Variants in BCAR3 observed in about 807,000 individuals in gnomAD.
BCAR3 encodes the protein breast cancer anti-estrogen resistance protein 3.
In BCAR3, 37 loss-of-function variants were observed where a neutral mutation model predicts 80.1. The ratio of observed to expected loss-of-function variants is 0.46; its 90% confidence interval spans 0.36 to 0.61. The LOEUF is 0.61. Among genes scored for constraint, BCAR3 ranks in the 20% least tolerant of loss-of-function variants. BCAR3 has a pLI of 0.00. For synonymous variants in BCAR3, 389 were observed against 418.9 expected (o/e 0.93, Z 0.87); for missense variants, 978 against 1,068.2 (o/e 0.92, Z 1.18).
chr1:93,767,281 C>T (rs1460157785), intron 2 of BCAR3, among the ~76,000 whole-genome samples: 1 of 152,040 alleles, frequency 6.6e-6, no homozygotes, highest in Admixed American at 6.6e-5. Flanking sequence ...CCAGCACTTT[C>T]GGAGGCCGAG....
chr1:93,757,561 T>C (rs1275242489), intron 2 of BCAR3, among the ~76,000 whole-genome samples: 5 of 152,216 alleles, frequency 3.3e-5, no homozygotes, highest in African/African-American at 4.8e-5. Context: ...TCACGACTCC[T>C]CTGCACTTCA....
intron 3 of BCAR3, among the ~76,000 whole-genome samples, chr1:93,611,467 T>C (rs1674943773): frequency 6.6e-6 from 1 of 152,146 alleles, no homozygotes; most frequent in Admixed American, 6.5e-5. Context: ...TCGTCTTTTT[T>C]CCCCCAGAAA....
In BCAR3 at chr1:93,589,275, C is replaced by A. The variant is rs776858691; in HGVS notation, c.631G>T (p.Ala211Ser). ...INRTVLRLSEAYSRVQYQFEM... is the reference protein window; with the variant it reads ...INRTVLRLSESYSRVQYQFEM... ...AACTGGTACTGCACGCGGCTGTAGG[C>A]CTCGCTGAGTCGCAGAACTGTCCGG... Residue 211 changes from alanine (A) to serine (S), a missense_variant, in exon 5 of 12, where the codon GCC becomes TCC. Coordinates refer to ENST00000260502, the MANE Select transcript of BCAR3 (RefSeq NM_003567.4). 1.2e-6 allele frequency: 2 copies of A among 1,614,190 alleles called. No individual in the cohort carries two copies. The highest frequency in any genetic ancestry group is 2.2e-5 in the East Asian group (1 of 44,882).
At chr1:93,800,727 A>G (rs114776037) in intron 2 of BCAR3, among the ~76,000 whole-genome samples, 1,662 of 152,212 alleles carry the variant, frequency 0.011, 34 homozygotes, top group African/African-American at 0.039. Context: ...ATTTTTTTAA[A>G]ATATTTTTCT....
In BCAR3 at chr1:93,778,163, C is replaced by T. The variant is rs6691888; in HGVS notation, c.-63+67404G>A. On this transcript the variant is annotated intron_variant, in intron 2 of 13. Coordinates refer to the BCAR3 transcript ENST00000370244. ...CTGGACCATCCATTTCTGAAATAAA[C>T]CCTGGTTCCATTTGGTGGGAAGCAT... 6.6e-5 allele frequency among the ~76,000 whole-genome samples: 10 copies of T among 152,140 alleles called. No homozygotes were observed. The East Asian group carries it at 1.7e-3, about 26-fold the overall frequency.
chr1:93,591,169 A>T (rs1007279507), intron 4 of BCAR3, among the ~76,000 whole-genome samples: 10 of 60,944 alleles, frequency 1.6e-4, no homozygotes, highest in East Asian at 2.9e-4. Flanking sequence ...CTACTACATT[A>T]AAAAAAAAAA....
chr1:93,703,569 AAAG>A (rs1401353077), intron 3 of BCAR3, among the ~76,000 whole-genome samples: 3 of 39,324 alleles, frequency 7.6e-5, no homozygotes, highest in African/African-American at 9.8e-5. Context: ...TGTCTCTTAA[AAAG>A]AAAAAAAAAA....
intron 2 of BCAR3, among the ~76,000 whole-genome samples, chr1:93,709,295 G>T (rs1186240008): frequency 6.6e-6 from 1 of 152,232 alleles, no homozygotes; most frequent in Non-Finnish European, 1.5e-5. Flanking sequence ...GAGTTGGAGA[G>T]GTGACACTGA....
At chr1:93,652,427 AAAG>A (rs1199909158) in intron 2 of BCAR3, among the ~76,000 whole-genome samples, 1 of 152,192 alleles carries the variant, frequency 6.6e-6, no homozygotes, top group African/African-American at 2.4e-5. Context: ...TGCTAACCAA[AAAG>A]AAGACATTCT....
intron 2 of BCAR3, among the ~76,000 whole-genome samples, chr1:93,664,704 T>C (rs1647818761): frequency 6.6e-6 from 1 of 152,186 alleles, no homozygotes; most frequent in South Asian, 2.1e-4. Flanking sequence ...AAAGCCACTG[T>C]TGAAATTTTA....
At chr1:93,709,876 T>A (rs1240368230) in intron 2 of BCAR3, among the ~76,000 whole-genome samples, 3 of 152,054 alleles carry the variant, frequency 2.0e-5, no homozygotes, top group Non-Finnish European at 4.4e-5. Flanking sequence ...ATCATGTAAT[T>A]TTTTCATATC....
At chr1:93,757,513 G>A (rs1049100034) in intron 2 of BCAR3, among the ~76,000 whole-genome samples, 4 of 152,200 alleles carry the variant, frequency 2.6e-5, no homozygotes, top group Non-Finnish European at 4.4e-5. Flanking sequence ...TATGTGTTGG[G>A]TTAACTGTTG....
At chr1:93,585,021 G>C in intron 5 of BCAR3, 1 of 985,448 alleles carries the variant, frequency 1.0e-6, no homozygotes, top group Non-Finnish European at 1.2e-6. Context: ...CAAACTCCAA[G>C]GAACAGAGAA....
chr1:93,583,842 G>A (rs550940806), intron 6 of BCAR3, among the ~76,000 whole-genome samples, 176 bp downstream of exon 6: 3 of 152,116 alleles, frequency 2.0e-5, no homozygotes, highest in Non-Finnish European at 4.4e-5. Context: ...GCTGGCATAC[G>A]GTGTCTAGCT....
intron 2 of BCAR3, among the ~76,000 whole-genome samples, chr1:93,780,915 G>A (rs1461851569): frequency 6.6e-6 from 1 of 152,146 alleles, no homozygotes; most frequent in African/African-American, 2.4e-5. Flanking sequence ...TTCCCCCTAT[G>A]ATTCTGCAAT....
At chr1:93,571,190 C>T (rs564071810) in intron 9 of BCAR3, among the ~76,000 whole-genome samples, 15 of 148,142 alleles carry the variant, frequency 1.0e-4, no homozygotes, top group African/African-American at 2.5e-4. Context: ...GACAACAGAG[C>T]GAGACTTCGT....
chr1:93,705,766 T>C (rs1649809704), intron 3 of BCAR3, among the ~76,000 whole-genome samples: 1 of 152,236 alleles, frequency 6.6e-6, no homozygotes, highest in African/African-American at 2.4e-5. Flanking sequence ...GTTGTGAGAA[T>C]TTAATGAGTT....
chr1:93,598,171 C>T (rs1192600578), intron 3 of BCAR3, among the ~76,000 whole-genome samples: 2 of 152,126 alleles, frequency 1.3e-5, no homozygotes, highest in African/African-American at 4.8e-5. Context: ...GGGTCTCCTG[C>T]GTGAGCATCA....
chr1:93,691,330 G>C (rs1220914545), intron 3 of BCAR3, among the ~76,000 whole-genome samples: 1 of 152,236 alleles, frequency 6.6e-6, no homozygotes, highest in East Asian at 1.9e-4. Context: ...TGCTGTTGCT[G>C]AGTGGGAAAA....
Sources: gnomAD v4.1 joint callset for allele counts (sites outside exome capture counted in the v4.1 genomes callset) on GRCh38, gnomAD v4.1.1 for gene constraint, MANE v1.5 for transcripts, NCBI Gene and HGNC (gene_info 2026-07-23, HGNC 2026-07-21) for gene names.